The following XNDC1N variants were observed in gnomAD, a reference collection of about 807,000 sequenced individuals.
The protein encoded by XNDC1N is protein XNDC1N.
chr11:71,898,347 A>G, the XNDC1N span, among the ~76,000 whole-genome samples: 1 of 152,148 alleles, frequency 6.6e-6, no homozygotes, highest in African/African-American at 2.4e-5. Context: ...TGGCTCGCAC[A>G]TGTAACCCCA....
the XNDC1N span, among the ~76,000 whole-genome samples, chr11:71,925,528 G>A: frequency 3.7e-3 from 569 of 152,198 alleles, 4 homozygotes; most frequent in African/African-American, 0.013. Flanking sequence ...CCTCTCTAGG[G>A]CTCAGATTAA....
At chr11:71,886,023 T>A in the XNDC1N span, among the ~76,000 whole-genome samples, 4 of 152,082 alleles carry the variant, frequency 2.6e-5, no homozygotes, top group African/African-American at 9.7e-5. Context: ...TAAGTCGCAT[T>A]GCGCCATTCC....
chr11:71,870,532 G>C, the XNDC1N span, among the ~76,000 whole-genome samples: 1 of 152,058 alleles, frequency 6.6e-6, no homozygotes, highest in African/African-American at 2.4e-5. Flanking sequence ...AGCAAAAATA[G>C]ACAAATTTCA....
the XNDC1N span, among the ~76,000 whole-genome samples, chr11:71,926,470 C>A: frequency 5.3e-5 from 8 of 152,144 alleles, no homozygotes; most frequent in Middle Eastern, 3.2e-3. Context: ...GGATTTTTGT[C>A]ATGTTCATGA....
the XNDC1N span, among the ~76,000 whole-genome samples, chr11:71,914,676 AG>A: frequency 6.6e-6 from 1 of 151,304 alleles, no homozygotes; most frequent in African/African-American, 2.4e-5. Context: ...TGACAGAGAG[AG>A]ACTTTGTCTC....
chr11:71,900,314 C>A, the XNDC1N span, among the ~76,000 whole-genome samples: 8 of 152,198 alleles, frequency 5.3e-5, no homozygotes, highest in Non-Finnish European at 1.5e-5. Context: ...TGTATTATTT[C>A]TTTCCTCAGT....
the XNDC1N span, among the ~76,000 whole-genome samples, chr11:71,918,579 G>T: frequency 6.6e-6 from 1 of 152,196 alleles, no homozygotes; most frequent in Non-Finnish European, 1.5e-5. Context: ...ATTGTGCCTG[G>T]CCGGGATTTA....
chr11:71,868,495 A>G, the XNDC1N span, among the ~76,000 whole-genome samples: 28,616 of 152,030 alleles, frequency 0.19, 4,924 homozygotes, highest in African/African-American at 0.45. Flanking sequence ...TTTCCTTAGC[A>G]TTTGCTTGTC....
chr11:71,903,928 T>C, the XNDC1N span: 1 of 458,768 alleles, frequency 2.2e-6, no homozygotes, highest in Non-Finnish European at 4.4e-6. Flanking sequence ...GTCTCACCTG[T>C]CAGTTGTTTG....
At chr11:71,915,983 G>A in the XNDC1N span, 7 of 650,446 alleles carry the variant, frequency 1.1e-5, no homozygotes, top group South Asian at 1.0e-4. Context: ...ACGTGTGTGT[G>A]TGTCTATGTC....
the XNDC1N span, among the ~76,000 whole-genome samples, chr11:71,878,762 A>T: frequency 6.6e-6 from 1 of 151,752 alleles, no homozygotes; most frequent in Admixed American, 6.6e-5. Flanking sequence ...GGGGAGTTTG[A>T]GGTGGGTGAG....
chr11:71,915,587 G>A, the XNDC1N span, among the ~76,000 whole-genome samples: 3 of 152,164 alleles, frequency 2.0e-5, no homozygotes, highest in Non-Finnish European at 4.4e-5. Flanking sequence ...ACATCTCCAA[G>A]GTATGCCTGT....
chr11:71,880,351 A>G, the XNDC1N span, among the ~76,000 whole-genome samples: 1 of 152,130 alleles, frequency 6.6e-6, no homozygotes, highest in East Asian at 1.9e-4. Context: ...TTTCTTTTAT[A>G]TCAGTTGTAA....
chr11:71,897,506 C>T, the XNDC1N span, among the ~76,000 whole-genome samples: 1 of 152,050 alleles, frequency 6.6e-6, no homozygotes, highest in African/African-American at 2.4e-5. Context: ...CATAGGGAAG[C>T]ACAAATCAAA....
chr11:71,909,806 T>C, the XNDC1N span, among the ~76,000 whole-genome samples: 6 of 152,194 alleles, frequency 3.9e-5, no homozygotes, highest in Non-Finnish European at 8.8e-5. Context: ...TTGATCTTTT[T>C]AGGAAGGGAC....
the XNDC1N span, among the ~76,000 whole-genome samples, chr11:71,889,913 T>C: frequency 7.1e-4 from 108 of 152,264 alleles, 2 homozygotes; most frequent in Middle Eastern, 6.8e-3. Flanking sequence ...CCTGTGCTTC[T>C]TCGTGATCTG....
the XNDC1N span, among the ~76,000 whole-genome samples, chr11:71,926,281 T>TA: frequency 6.6e-6 from 1 of 151,864 alleles, no homozygotes; most frequent in East Asian, 1.9e-4. Context: ...AATAAATAAA[T>TA]ACATAAATAA....
the XNDC1N span, chr11:71,878,594 T>C: frequency 7.0e-7 from 1 of 1,432,382 alleles, no homozygotes; most frequent in Non-Finnish European, 9.5e-7. Flanking sequence ...TGAAAATAAA[T>C]TAGGCATGGG....
chr11:71,902,109 A>G, the XNDC1N span, among the ~76,000 whole-genome samples: 2 of 152,124 alleles, frequency 1.3e-5, no homozygotes, highest in East Asian at 3.8e-4. Context: ...CAAACGTCAA[A>G]TATATGTTAA....
Sources: gnomAD v4.1 joint callset for allele counts (sites outside exome capture counted in the v4.1 genomes callset) on GRCh38, gnomAD v4.1.1 for gene constraint, MANE v1.5 for transcripts, NCBI Gene and HGNC (gene_info 2026-07-23, HGNC 2026-07-21) for gene names.